Variants in GYPC observed in about 807,000 individuals in gnomAD.
GYPC encodes the protein glycophorin C (Gerbich blood group).
In GYPC, 14 loss-of-function variants were observed where a neutral mutation model predicts 12.6. The observed-to-expected ratio is 1.11, with a 90% CI of 0.74 to 1.74. The LOEUF is 1.74. Ranked by LOEUF, GYPC falls within the 40% of genes most tolerant of loss-of-function variation. The probability of loss-of-function intolerance (pLI) is 0.00; values close to 1 mark genes in which losing one functional copy is unlikely to be tolerated. For missense variants in GYPC, 225 were observed against 172.1 expected (o/e 1.31, Z -1.72); for synonymous variants, 78 against 62.1 (o/e 1.26, Z -1.20).
chr2:126,690,165 A>G (rs1683414038), intron 1 of GYPC, 90 bp from the exon 2 acceptor site: 1 of 927,544 alleles, frequency 1.1e-6, no homozygotes, highest in African/African-American at 1.6e-5. Context: ...AGCTGCTCAC[A>G]CCTGAGCAAA....
intron 1 of GYPC, among the ~76,000 whole-genome samples, chr2:126,683,946 G>A (rs892106679): frequency 1.1e-4 from 17 of 152,110 alleles, no homozygotes; most frequent in African/African-American, 3.9e-4. Flanking sequence ...CCTCACCTTT[G>A]CAGGCCTCTA....
In GYPC at chr2:126,696,087, G is replaced by A. The variant is rs762105098; in HGVS notation, c.332G>A (p.Gly111Glu). 4.3e-6 allele frequency: 7 copies of A among 1,614,022 alleles called. No homozygotes were observed. The African/African-American group carries it at 9.3e-5, about 22-fold the overall frequency. The stretch of plus-strand genomic sequence containing the variant: ...GAGAGTGCAGATGCAGCCCTGCAGG[G>A]AGACCCTGCCCTCCAAGATGCTGGT... ...FAESADAALQ[G>E]DPALQDAGDS... is the part of the protein sequence containing the mutation. Residue 111 changes from glycine (G) to glutamate (E), a missense_variant, in exon 4 of 4, where the codon GGA becomes GAA. Physicochemically the swap from Gly to Glu is moderately conservative, Grantham distance 98 (BLOSUM62 -2). Coordinates refer to ENST00000259254, the MANE Select transcript of GYPC (RefSeq NM_002101.5).
At chr2:126,664,951 TTC>T (rs143811361) in intron 1 of GYPC, among the ~76,000 whole-genome samples, 8,611 of 148,102 alleles carry the variant, frequency 0.058, 773 homozygotes, top group African/African-American at 0.2. Context: ...CTTGCTGTCT[TTC>T]TCTCTCTCTC....
At chr2:126,693,052 T>C (rs367696387) in intron 2 of GYPC, among the ~76,000 whole-genome samples, 3 of 152,182 alleles carry the variant, frequency 2.0e-5, no homozygotes, top group African/African-American at 7.2e-5. Context: ...GGTTTGGATG[T>C]GGTTTGACCC....
rs55662976 is a variant in GYPC at position 126,661,455 on chromosome 2, CTT to C, written c.49+5156_49+5157del. 4.8e-4 allele frequency among the ~76,000 whole-genome samples: 70 copies of C among 145,180 alleles called. 1 individual carries two copies. Among genetic ancestry groups the C allele is most frequent in the African/African-American group, 1.4e-3 (54 of 39,734 alleles). On this transcript the variant is annotated intron_variant, in intron 1 of 3. Transcript: ENST00000259254. ...AGCCAGATGCCCCTTCTCTCTCTCT[CTT>C]TTTTTTTTTTTTGATACGGAGTTTT...
At chr2:126,662,501 T>A (rs1482951390) in intron 1 of GYPC, among the ~76,000 whole-genome samples, 1 of 152,238 alleles carries the variant, frequency 6.6e-6, no homozygotes, top group African/African-American at 2.4e-5. Context: ...CTGGATCCAC[T>A]ATGAGCTGGC....
chr2:126,676,744 G>C (rs1683002988), intron 1 of GYPC, among the ~76,000 whole-genome samples: 1 of 152,208 alleles, frequency 6.6e-6, no homozygotes, highest in African/African-American at 2.4e-5. Context: ...AAAACACTGG[G>C]AAGATGTGGC....
At chr2:126,657,015 A>G (rs531881585) in intron 1 of GYPC, among the ~76,000 whole-genome samples, 1 of 152,288 alleles carries the variant, frequency 6.6e-6, no homozygotes, top group East Asian at 1.9e-4. Flanking sequence ...TTACCAAAAA[A>G]CGTAATGTAC....
intron 1 of GYPC, chr2:126,686,663 G>A (rs977308291): frequency 4.1e-6 from 4 of 985,130 alleles, no homozygotes; most frequent in African/African-American, 3.5e-5. Flanking sequence ...GTTGCAGGGG[G>A]CCGGGGGGAC....
chr2:126,689,054 T>C (rs1449802566), intron 1 of GYPC, among the ~76,000 whole-genome samples: 1 of 152,194 alleles, frequency 6.6e-6, no homozygotes, highest in Non-Finnish European at 1.5e-5. Flanking sequence ...GTCCCCAATG[T>C]CCTAGACATC....
At chr2:126,686,337 G>T (rs571242164) in intron 1 of GYPC, 12 of 985,702 alleles carry the variant, frequency 1.2e-5, no homozygotes, top group Non-Finnish European at 1.4e-5. Flanking sequence ...TGCCCGCACT[G>T]CAGGGTTGTG....
Position 126,690,301 on chromosome 2 carries a change from C to T in GYPC, c.96C>T (p.Thr32=). The stretch of plus-strand genomic sequence containing the variant: ...CTGCCTCCACCACAATGCATACTAC[C>T]ACCATTGCAGGTGAGTTCTCATCAC... ...MASASTTMHT[T]TIAEPDPGMS... The change falls in exon 2 of 4, where the codon ACC becomes ACT. Residue 32 remains threonine, a synonymous_variant. Transcript: ENST00000259254. The T allele has an allele frequency of 6.2e-7, 1 of 1,610,436 alleles. No homozygotes were observed. Among genetic ancestry groups the T allele is most frequent in the Non-Finnish European group, 8.5e-7 (1 of 1,176,606 alleles).
At chr2:126,686,421 G>C (rs2104800196) in intron 1 of GYPC, 1 of 985,622 alleles carries the variant, frequency 1.0e-6, no homozygotes, top group Non-Finnish European at 1.2e-6. Flanking sequence ...TGAGGACATA[G>C]AGAGTTAGTA....
chr2:126,666,402 CT>C (rs1682679004), intron 1 of GYPC, among the ~76,000 whole-genome samples: 1 of 152,222 alleles, frequency 6.6e-6, no homozygotes, highest in Non-Finnish European at 1.5e-5. Context: ...TTCTGTTACA[CT>C]TTGCTAGGCA....
In GYPC at chr2:126,696,307, G is replaced by A. The variant is rs1573583974; in HGVS notation, c.*165G>A. On this transcript the variant is annotated 3_prime_UTR_variant, in exon 4 of 4. Transcript: ENST00000259254. ...ACTAGGTGCCTGCCCAGGGAGGAAC[G>A]GAGGAGGACTCGCGCTACAAGAGGC... is the stretch of plus-strand genomic sequence containing the variant. 8 of 678,252 alleles carry A rather than the reference G, an allele frequency of 1.2e-5. No homozygotes were observed. The highest frequency in any genetic ancestry group is 6.4e-5 in the Admixed American group (3 of 47,162). The allele number at this position is 678,252 out of a possible 1,614,324, so 42.0% of individuals were successfully genotyped here.
chr2:126,695,269 A>G lies in GYPC; in HGVS notation c.191-677A>G, dbSNP rs189560569. On this transcript the variant is annotated intron_variant, in intron 3 of 3. Coordinates refer to ENST00000259254, the MANE Select transcript of GYPC (RefSeq NM_002101.5). ...CCTGGTTTTAGAACGGAAAATCTCC[A>G]AACAAGGTTCAGTCCTGGGGTATGA... is the stretch of plus-strand genomic sequence containing the variant. Among the ~76,000 whole-genome samples the G allele has an allele frequency of 2.6e-5, 4 of 152,334 alleles. No individual in the cohort carries two copies. In the East Asian group the frequency reaches 7.7e-4, roughly 29 times the overall value.
At chr2:126,689,809 C>T (rs758413761) in intron 1 of GYPC, among the ~76,000 whole-genome samples, 2 of 152,218 alleles carry the variant, frequency 1.3e-5, no homozygotes, top group African/African-American at 2.4e-5. Flanking sequence ...ACAAACCTCT[C>T]TTCTTTACAA....
At chr2:126,656,591 G>T (rs1468182996) in intron 1 of GYPC, among the ~76,000 whole-genome samples, 1 of 152,262 alleles carries the variant, frequency 6.6e-6, no homozygotes, top group Non-Finnish European at 1.5e-5. Context: ...AGGGCGTGTC[G>T]CCCGCTTTCT....
intron 1 of GYPC, among the ~76,000 whole-genome samples, chr2:126,672,394 C>G (rs1328367567): frequency 1.3e-5 from 2 of 152,164 alleles, no homozygotes; most frequent in African/African-American, 4.8e-5. Flanking sequence ...CCAATTTGCA[C>G]ATTCACCTGC....
Sources: allele counts gnomAD v4.1 joint callset (sites outside exome capture counted in the v4.1 genomes callset), GRCh38; gene constraint gnomAD v4.1.1; transcripts MANE v1.5; gene names NCBI Gene and HGNC (gene_info 2026-07-23, HGNC 2026-07-21).